RAB3IP: variants seen among roughly 807,000 people sequenced by gnomAD.
RAB3IP encodes RAB3A interacting protein.
RAB3IP carries 36 observed loss-of-function variants against 59.1 expected under a neutral mutation model. The ratio of observed to expected loss-of-function variants is 0.61; its 90% CI spans 0.47 to 0.80. The LOEUF (loss-of-function observed/expected upper bound fraction) is 0.80, where lower values mean the gene tolerates loss of function less well. Among genes scored for constraint, RAB3IP ranks in the 30% least tolerant of loss-of-function variants. RAB3IP has a pLI of 0.00. For synonymous variants in RAB3IP, 207 were observed against 191.2 expected (o/e 1.08, Z -0.68); for missense variants, 511 against 536.0 (o/e 0.95, Z 0.46).
chr12:69,803,464 A>G lies in RAB3IP; in HGVS notation c.1130+1743A>G, dbSNP rs1482839387. Among the ~76,000 whole-genome samples, 4 of 152,190 alleles carry G rather than the reference A, an allele frequency of 2.6e-5. No individual in the cohort carries two copies. The East Asian group carries it at 7.7e-4, about 29-fold the overall frequency. On this transcript the variant is annotated intron_variant, in intron 8 of 10. Transcript: ENST00000247833. ...ATGATTAGGTACTCTTCTTGAAGGA[A>G]GAGAGATTTGGTTTAAGTTTTTTTT...
At chr12:69,783,336 A>G (rs1020764312) in intron 3 of RAB3IP, among the ~76,000 whole-genome samples, 3 of 152,158 alleles carry the variant, frequency 2.0e-5, no homozygotes, top group African/African-American at 4.8e-5. Flanking sequence ...TTAGCATCCC[A>G]TCATAGGATA....
chr12:69,763,557 A>G (rs1489812220), intron 3 of RAB3IP, among the ~76,000 whole-genome samples: 1 of 152,146 alleles, frequency 6.6e-6, no homozygotes, highest in Non-Finnish European at 1.5e-5. Flanking sequence ...TTCATCTCCT[A>G]TTATAATTCT....
intron 4 of RAB3IP, among the ~76,000 whole-genome samples, chr12:69,786,705 T>C (rs1162131977): frequency 3.9e-5 from 6 of 152,212 alleles, no homozygotes; most frequent in Non-Finnish European, 7.4e-5. Context: ...CACATGTATG[T>C]ATGTTCTGTT....
At chr12:69,767,449 C>T (rs562718974) in intron 3 of RAB3IP, among the ~76,000 whole-genome samples, 3 of 152,306 alleles carry the variant, frequency 2.0e-5, no homozygotes, top group Admixed American at 6.5e-5. Flanking sequence ...TTGGTGAGAA[C>T]GACTGGGCAA....
At chr12:69,810,817 A>G (rs976517309) in intron 8 of RAB3IP, among the ~76,000 whole-genome samples, 1 of 152,182 alleles carries the variant, frequency 6.6e-6, no homozygotes, top group African/African-American at 2.4e-5. Context: ...ATTTAGACAT[A>G]TTGACATCCT....
At chr12:69,745,297 G>A (rs1053070762) in intron 1 of RAB3IP, among the ~76,000 whole-genome samples, 2 of 151,594 alleles carry the variant, frequency 1.3e-5, no homozygotes, top group East Asian at 3.9e-4. Flanking sequence ...TACATTTCCT[G>A]CTTTTATTAT....
intron 8 of RAB3IP, among the ~76,000 whole-genome samples, chr12:69,808,144 A>T (rs1163494357): frequency 5.3e-5 from 8 of 152,058 alleles, no homozygotes; most frequent in Non-Finnish European, 1.2e-4. Context: ...TCATTTTGTT[A>T]TGTACCCAGT....
chr12:69,788,708 C>CT (rs1269353894), intron 4 of RAB3IP, among the ~76,000 whole-genome samples: 1 of 152,078 alleles, frequency 6.6e-6, no homozygotes, highest in African/African-American at 2.4e-5. Flanking sequence ...CCAAATGGAT[C>CT]TAACAGATAC....
intron 1 of RAB3IP, among the ~76,000 whole-genome samples, chr12:69,750,358 G>A (rs549978099): frequency 6.6e-6 from 1 of 152,196 alleles, no homozygotes; most frequent in South Asian, 2.1e-4. Flanking sequence ...ACTTCAGTGT[G>A]TATCTTTTTT....
chr12:69,818,528 C>G lies in RAB3IP; in HGVS notation c.*3082C>G, dbSNP rs1881376761. ...ACTTGAGAAATGCTTGCACAGGTCC[C>G]CCAGATCACACATATAAGAATGTTC... On this transcript the variant is annotated 3_prime_UTR_variant, in exon 11 of 11. Coordinates refer to ENST00000247833, the MANE Select transcript of RAB3IP (RefSeq NM_022456.5). The G allele has an allele frequency of 6.6e-6, 1 of 151,684 alleles. No homozygotes were observed. Among genetic ancestry groups the G allele is most frequent in the South Asian group, 2.1e-4 (1 of 4,806 alleles). 9.4% of individuals were successfully genotyped at this position (151,684 alleles called of 1,614,324 possible).
intron 3 of RAB3IP, among the ~76,000 whole-genome samples, chr12:69,768,715 C>T (rs946774414): frequency 1.3e-5 from 2 of 152,168 alleles, no homozygotes; most frequent in African/African-American, 4.8e-5. Context: ...TAGTTCTCCT[C>T]CTGCCCCAAC....
Position 69,816,573 on chromosome 12 carries a change from G to A in RAB3IP, c.*1127G>A, listed in dbSNP as rs941857789. ...ACATAATTTAATTGTGTTTGGAGAT[G>A]AGGTGGTTTTCAGTTTATTTTTCAT... On this transcript the variant is annotated 3_prime_UTR_variant, in exon 11 of 11. Transcript: ENST00000247833. 1.3e-5 allele frequency: 2 copies of A among 152,236 alleles called. No homozygotes were observed. The highest frequency in any genetic ancestry group is 3.9e-4 in the East Asian group (2 of 5,188). The allele number at this position is 152,236 out of a possible 1,614,324, so 9.4% of individuals were successfully genotyped here. A position where few individuals can be genotyped will look rare whatever the true frequency, so the allele number is the denominator to read the frequency against.
intron 1 of RAB3IP, among the ~76,000 whole-genome samples, chr12:69,740,024 T>G (rs1359245899): frequency 6.6e-6 from 1 of 152,212 alleles, no homozygotes; most frequent in African/African-American, 2.4e-5. Context: ...TTAAAAGCCT[T>G]GTAATCTCTT....
chr12:69,795,831 A>G (rs1877354148), intron 6 of RAB3IP: 1 of 161,084 alleles, frequency 6.2e-6, no homozygotes, highest in African/African-American at 2.4e-5. Flanking sequence ...TGGTAGCCTT[A>G]CAATGACATA....
At chr12:69,742,630 G>C (rs1887455507) in intron 1 of RAB3IP, among the ~76,000 whole-genome samples, 1 of 152,180 alleles carries the variant, frequency 6.6e-6, no homozygotes, top group South Asian at 2.1e-4. Flanking sequence ...TGCTGTGTTT[G>C]GTGATGGATG....
intron 8 of RAB3IP, among the ~76,000 whole-genome samples, chr12:69,810,543 G>T (rs1372186728): frequency 1.3e-5 from 2 of 152,168 alleles, no homozygotes; most frequent in African/African-American, 4.8e-5. Flanking sequence ...ACTGGTTTAG[G>T]TTTTTGAAGC....
chr12:69,816,162 T>G lies in RAB3IP; in HGVS notation c.*716T>G, dbSNP rs959837550. ...TGGAGGGACATAGATGTAAATGAGT[T>G]TGACGTGTGTCAAAGGGGTTTAAAG... On this transcript the variant is annotated 3_prime_UTR_variant, in exon 11 of 11. Coordinates refer to ENST00000247833, the MANE Select transcript of RAB3IP (RefSeq NM_022456.5). 2 of 152,208 alleles carry G rather than the reference T, an allele frequency of 1.3e-5. No individual in the cohort carries two copies. Among genetic ancestry groups the G allele is most frequent in the African/African-American group, 4.8e-5 (2 of 41,442 alleles). The allele number at this position is 152,208 out of a possible 1,614,324, so 9.4% of individuals were successfully genotyped here. A position where few individuals can be genotyped will look rare whatever the true frequency, so the allele number is the denominator to read the frequency against.
At chr12:69,772,587 T>C (rs1018283805) in intron 3 of RAB3IP, among the ~76,000 whole-genome samples, 1 of 152,190 alleles carries the variant, frequency 6.6e-6, no homozygotes, top group African/African-American at 2.4e-5. Flanking sequence ...TTTTGCTTTG[T>C]GGTTACCATG....
At chr12:69,811,023 C>T (rs532704885) in intron 8 of RAB3IP, among the ~76,000 whole-genome samples, 43 of 152,186 alleles carry the variant, frequency 2.8e-4, no homozygotes, top group East Asian at 1.2e-3. Flanking sequence ...TTTTAAGAAA[C>T]GCTATACACC....
Sources: gnomAD v4.1 joint callset for allele counts (sites outside exome capture counted in the v4.1 genomes callset) on GRCh38, gnomAD v4.1.1 for gene constraint, MANE v1.5 for transcripts, NCBI Gene and HGNC (gene_info 2026-07-23, HGNC 2026-07-21) for gene names.